Variants in CMYA5 observed in about 807,000 individuals in gnomAD.
CMYA5 encodes cardiomyopathy-associated protein 5.
CMYA5 carries 246 observed loss-of-function variants against 318.9 expected under a neutral mutation model. The observed-to-expected ratio is 0.77, with a 90% CI of 0.70 to 0.86. CMYA5 has a LOEUF of 0.86. CMYA5 is among the 40% of genes least tolerant of loss of function. The probability of loss-of-function intolerance (pLI) is 0.00; values close to 1 mark genes in which losing one functional copy is unlikely to be tolerated. For missense variants in CMYA5, 4,589 were observed against 4,678.2 expected (o/e 0.98, Z 0.56); for synonymous variants, 1,641 against 1,729.5 (o/e 0.95, Z 1.27).
chr5:79,772,122 A>G (rs925410374), intron 9 of CMYA5, among the ~76,000 whole-genome samples: 1 of 119,714 alleles, frequency 8.4e-6, no homozygotes, highest in Non-Finnish European at 1.9e-5. Flanking sequence ...CATTTGTAGG[A>G]AAAAAAAAAG....
At chr5:79,697,493 G>A (rs527681710) in intron 1 of CMYA5, among the ~76,000 whole-genome samples, 1 of 152,324 alleles carries the variant, frequency 6.6e-6, no homozygotes, top group Middle Eastern at 3.4e-3. Context: ...GATAAGAGGA[G>A]GGAAACCGTC....
At position 79,734,759 on chromosome 5, in the gene CMYA5, A is replaced by C. The variant is rs1181074643; in HGVS notation, c.5994A>C (p.Gly1998=). 6.2e-7 allele frequency: 1 copy of C among 1,613,850 alleles called. No individual in the cohort carries two copies. The highest frequency in any genetic ancestry group is 1.1e-5 in the South Asian group (1 of 91,086). The change falls in exon 2 of 13, where the codon GGA becomes GGC. Residue 1998 remains glycine (G), a synonymous_variant. Coordinates refer to ENST00000446378, the MANE Select transcript of CMYA5 (RefSeq NM_153610.5). ...AACCAAAGTCTTTAGTCCTAGCTGG[A>C]AATGTAGAGAGAAACATAGCAGAGG... ...AEEPKSLVLA[G]NVERNIAEGK...
intron 1 of CMYA5, among the ~76,000 whole-genome samples, chr5:79,707,330 G>T (rs1827293615): frequency 6.6e-6 from 1 of 151,998 alleles, no homozygotes; most frequent in African/African-American, 2.4e-5. Context: ...ATTTGTTTAA[G>T]GACTGTGTGT....
At chr5:79,795,635 C>T (rs1030708082) in intron 12 of CMYA5, among the ~76,000 whole-genome samples, 1 of 152,208 alleles carries the variant, frequency 6.6e-6, no homozygotes, top group Non-Finnish European at 1.5e-5. Flanking sequence ...AATCTACAAA[C>T]ATCTACAGTG....
rs555997523 is a variant in CMYA5, at chr5:79,729,204, C to T, written c.439C>T (p.Arg147Trp). The T allele has an allele frequency of 5.7e-5, 92 of 1,612,898 alleles. No homozygotes were observed. The highest frequency in any genetic ancestry group is 2.8e-4 in the African/African-American group (21 of 74,932). Residue 147 changes from arginine to tryptophan, a missense_variant, in exon 2 of 13, where the codon CGG becomes TGG. Arg to Trp is a moderately radical substitution (Grantham distance 101). Coordinates refer to ENST00000446378, the MANE Select transcript of CMYA5 (RefSeq NM_153610.5). ...AAAGCATGGTTCACCATCATTACGC[C>T]GGAAAGGCAACAGAAAAAGAAATTC... Reference protein sequence around the residue: ...KSKHGSPSLRRKGNRKRNSFE... With the variant: ...KSKHGSPSLRWKGNRKRNSFE...
Position 79,701,870 on chromosome 5 carries a change from G to T in CMYA5, c.149+11814G>T, listed in dbSNP as rs922050440. 2.0e-5 allele frequency among the ~76,000 whole-genome samples: 3 copies of T among 152,228 alleles called. No homozygotes were observed. In the East Asian group the frequency reaches 5.8e-4, roughly 29 times the overall value. ...AGGCCAGGCGTGGTGGCTCACACCT[G>T]TAATCCCAGCACTTTGGGAGGCCGA... On this transcript the variant is annotated intron_variant, in intron 1 of 12. Transcript: ENST00000446378.
chr5:79,699,965 C>T (rs1269938108), intron 1 of CMYA5, among the ~76,000 whole-genome samples: 8 of 152,210 alleles, frequency 5.3e-5, no homozygotes, highest in African/African-American at 1.2e-4. Context: ...CAGGATAATA[C>T]AGCCTTTGTG....
intron 1 of CMYA5, among the ~76,000 whole-genome samples, chr5:79,722,741 G>A (rs189500318): frequency 1.4e-5 from 2 of 147,948 alleles, no homozygotes; most frequent in Admixed American, 6.7e-5. Flanking sequence ...AAAAAATCGA[G>A]ATGACACAAC....
chr5:79,702,299 GTTGCTTAAGCCCAGAAGT>G (rs1456882235), intron 1 of CMYA5, among the ~76,000 whole-genome samples: 2 of 151,902 alleles, frequency 1.3e-5, no homozygotes, highest in East Asian at 3.9e-4. Context: ...AGATGGGAGG[GTTGCTTAAGCCCAGAAGT>G]TTGAGGCTAT....
intron 9 of CMYA5, among the ~76,000 whole-genome samples, chr5:79,778,815 G>GTGTGTGTGTGTGTGTGTA (rs1561228876): frequency 2.5e-4 from 26 of 106,020 alleles, no homozygotes; most frequent in African/African-American, 4.0e-4. Context: ...CTCTTTCTGT[G>GTGTGTGTGTGTGTGTGTA]TGTGTGTGTG....
chr5:79,737,259 A>G lies in CMYA5; in HGVS notation c.8494A>G (p.Lys2832Glu). The G allele has an allele frequency of 6.2e-7, 1 of 1,613,850 alleles. No individual in the cohort carries two copies. Among genetic ancestry groups the G allele is most frequent in the African/African-American group, 1.3e-5 (1 of 75,048 alleles). Residue 2832 changes from lysine (K) to glutamate (E), a missense_variant, in exon 2 of 13, where the codon AAG becomes GAG. Lys to Glu is a moderately conservative substitution (Grantham distance 56). This residue lies in a region of CMYA5 where 2,431 missense variants were observed against 2,495.1 expected (regional missense o/e 0.97). Transcript: ENST00000446378. ...AGCTTCTCCAGAAATTAACGCAGTG[A>G]AGAAAAAAGAAATGCCACGATCAGA... The part of the protein sequence containing the change: ...SGASPEINAV[K>E]KKEMPRSELT...
intron 2 of CMYA5, among the ~76,000 whole-genome samples, chr5:79,743,038 G>A (rs1828248210): frequency 6.6e-6 from 1 of 152,198 alleles, no homozygotes; most frequent in East Asian, 1.9e-4. Flanking sequence ...TGTGATTGGA[G>A]CCTGGGGGCT....
At chr5:79,756,845 A>C (rs992942921) in intron 6 of CMYA5, among the ~76,000 whole-genome samples, 1 of 152,104 alleles carries the variant, frequency 6.6e-6, no homozygotes, top group African/African-American at 2.4e-5. Flanking sequence ...CAGTAAACTT[A>C]TCTCTCAGGA....
Position 79,788,466 on chromosome 5 carries a change from A to ATT in CMYA5, c.11556-488_11556-487dup, listed in dbSNP as rs3061542. ...CAATTTAGGAACAGCAACTTTGAGA[A>ATT]TTTTTTTTTTTTTTTTTTGCAATTA... On this transcript the variant is annotated intron_variant, in intron 9 of 12. Coordinates refer to ENST00000446378, the MANE Select transcript of CMYA5 (RefSeq NM_153610.5). Among the ~76,000 whole-genome samples, 680 of 139,654 alleles carry ATT rather than the reference A, an allele frequency of 4.9e-3. 8 individuals are homozygous for ATT. The highest frequency in any genetic ancestry group is 0.01 in the African/African-American group (389 of 38,094). 91.6% of individuals were successfully genotyped at this position (139,654 alleles called of 152,430 possible).
In CMYA5 at chr5:79,735,180, C is replaced by A. The variant is rs776193451; in HGVS notation, c.6415C>A (p.His2139Asn). Residue 2139 changes from histidine to asparagine, a missense_variant, in exon 2 of 13, where the codon CAT becomes AAT. By Grantham distance (68) the His-to-Asn change is moderately conservative (BLOSUM62 1). Around this residue, in one of 3 missense-constraint regions of CMYA5, gnomAD observed 2,431 missense variants for 2,495.1 expected, o/e 0.97. Coordinates refer to ENST00000446378, the MANE Select transcript of CMYA5 (RefSeq NM_153610.5). ...ACAAAGAAAACCCATCTCCTCAATC[C>A]ATGCAAGAGAGCCTCAATCCCCAGA... Reference protein sequence around the residue: ...PTQRKPISSIHAREPQSPESP... With the variant: ...PTQRKPISSINAREPQSPESP... 6 of 1,613,448 alleles carry A rather than the reference C, an allele frequency of 3.7e-6. No individual in the cohort carries two copies. Among genetic ancestry groups the A allele is most frequent in the Non-Finnish European group, 4.2e-6 (5 of 1,179,756 alleles).
At chr5:79,791,844 G>A (rs567017837) in intron 11 of CMYA5, among the ~76,000 whole-genome samples, 3 of 152,326 alleles carry the variant, frequency 2.0e-5, no homozygotes, top group East Asian at 3.9e-4. Context: ...AGGCAAAGGC[G>A]GAGGATAGGG....
At position 79,736,811 on chromosome 5, in the gene CMYA5, G is replaced by A. The variant is rs750513823; in HGVS notation, c.8046G>A (p.Ser2682=). The A allele has an allele frequency of 2.5e-5, 40 of 1,612,322 alleles. No individual in the cohort carries two copies. Among genetic ancestry groups the A allele is most frequent in the East Asian group, 2.2e-5 (1 of 44,810 alleles). ...EKEQFRESEL[S]KGGSVDITKE... ...AACAGTTCAGAGAGTCAGAGCTATC[G>A]AAAGGCGGTTCAGTAGATATCACAA... Residue 2682 remains serine, a synonymous_variant, in exon 2 of 13, where the codon TCG becomes TCA. Coordinates refer to ENST00000446378, the MANE Select transcript of CMYA5 (RefSeq NM_153610.5).
Position 79,733,863 on chromosome 5 carries a change from C to A in CMYA5, c.5098C>A (p.Leu1700Ile), listed in dbSNP as rs1366755255. The A allele has an allele frequency of 1.9e-6, 3 of 1,613,590 alleles. No individual in the cohort carries two copies. The highest frequency in any genetic ancestry group is 2.5e-6 in the Non-Finnish European group (3 of 1,179,840). The change falls in exon 2 of 13, where the codon CTT (leucine) becomes ATT (isoleucine). Residue 1700 changes from leucine (L) to isoleucine (I), a missense_variant. Physicochemically the swap from Leu to Ile is conservative, Grantham distance 5. Coordinates refer to ENST00000446378, the MANE Select transcript of CMYA5 (RefSeq NM_153610.5). Reference sequence around the variant, plus strand: ...TTCTACGATGCCTGCAATTTCAGAGCTTTCATCATTGCTTAGGGAGGAATC... The same window carrying A: ...TTCTACGATGCCTGCAATTTCAGAGATTTCATCATTGCTTAGGGAGGAATC... ...ASSTMPAISE[L>I]SSLLREESQN...
chr5:79,775,900 C>G (rs1206316715), intron 9 of CMYA5, among the ~76,000 whole-genome samples: 1 of 152,176 alleles, frequency 6.6e-6, no homozygotes, highest in African/African-American at 2.4e-5. Context: ...TGTTACTAAG[C>G]TCCTGGGATT....
Sources: gnomAD v4.1 joint callset for allele counts (sites outside exome capture counted in the v4.1 genomes callset) on GRCh38, gnomAD v4.1.1 for gene constraint, gnomAD v4.1.1 regional missense constraint, MANE v1.5 for transcripts, NCBI Gene and HGNC (gene_info 2026-07-23, HGNC 2026-07-21) for gene names.